Variants in EPGN observed in about 807,000 individuals in gnomAD.
EPGN encodes the protein epigen.
EPGN carries 21 observed loss-of-function variants against 20.7 expected under a neutral mutation model. The ratio of observed to expected loss-of-function variants is 1.01; its 90% CI spans 0.72 to 1.46. The LOEUF (loss-of-function observed/expected upper bound fraction) is 1.46. EPGN is among the 40% of genes most tolerant of loss of function. The pLI is 0.00. For missense variants in EPGN, 199 were observed against 180.7 expected (o/e 1.10, Z -0.58); for synonymous variants, 69 against 63.8 (o/e 1.08, Z -0.39).
At chr4:74,313,408 C>T (rs1751096324) in intron 4 of EPGN, 3 of 1,350,852 alleles carry the variant, frequency 2.2e-6, no homozygotes, top group Admixed American at 3.6e-5. Context: ...CTCCCTTCAA[C>T]CTATCTCTGT....
At chr4:74,310,566 A>T (rs1324032581) in intron 2 of EPGN, among the ~76,000 whole-genome samples, 1 of 151,458 alleles carries the variant, frequency 6.6e-6, no homozygotes, top group Admixed American at 6.6e-5. Flanking sequence ...TCAGTACTAA[A>T]TTTTTTTTTC....
chr4:74,309,502 AT>A (rs1397752145), intron 2 of EPGN, among the ~76,000 whole-genome samples: 1 of 152,160 alleles, frequency 6.6e-6, no homozygotes, highest in Non-Finnish European at 1.5e-5. Context: ...GTTTGTCCCC[AT>A]TTTGGCATTC....
chr4:74,309,015 A>T, intron 1 of EPGN, 78 bp from the exon 2 acceptor site: 1 of 1,080,418 alleles, frequency 9.3e-7, no homozygotes, highest in Non-Finnish European at 1.4e-6. Flanking sequence ...GAATAAACAG[A>T]ATAAGAATAC....
intron 3 of EPGN, 105 bp downstream of exon 3, chr4:74,312,410 G>T: frequency 1.5e-6 from 2 of 1,331,602 alleles, no homozygotes; most frequent in Non-Finnish European, 1.0e-6. Flanking sequence ...GTTTAAAAGG[G>T]TGCATAATCT....
rs1021687257 is a variant in EPGN at position 74,314,656 on chromosome 4, T to A, written c.*19T>A. The A allele has an allele frequency of 1.3e-6, 2 of 1,535,516 alleles. No individual in the cohort carries two copies. Among genetic ancestry groups the A allele is most frequent in the Admixed American group, 3.9e-5 (2 of 50,992 alleles). On this transcript the variant is annotated 3_prime_UTR_variant, in exon 5 of 5. Coordinates refer to ENST00000413830, the MANE Select transcript of EPGN (RefSeq NM_001270989.2). Reference sequence around the variant, plus strand: ...ACTGTGAGGCCTTTGTGAAGAATTTTCATCAAGGCATCTGTAGAGATCAGT... The same window carrying A: ...ACTGTGAGGCCTTTGTGAAGAATTTACATCAAGGCATCTGTAGAGATCAGT...
chr4:74,309,786 T>C (rs1370254081), intron 2 of EPGN, among the ~76,000 whole-genome samples: 1 of 152,190 alleles, frequency 6.6e-6, no homozygotes, highest in African/African-American at 2.4e-5. Flanking sequence ...CTTTCTCTAA[T>C]CTGTTTAAAC....
Position 74,314,709 on chromosome 4 carries a change from A to C in EPGN, c.*72A>C. The C allele has an allele frequency of 7.5e-7, 1 of 1,329,344 alleles. No individual in the cohort carries two copies. Among genetic ancestry groups the C allele is most frequent in the Non-Finnish European group, 1.0e-6 (1 of 968,944 alleles). The allele number at this position is 1,329,344 out of a possible 1,614,324, so 82.3% of individuals were successfully genotyped here. A position where few individuals can be genotyped will look rare whatever the true frequency, so the allele number is the denominator to read the frequency against. On this transcript the variant is annotated 3_prime_UTR_variant, in exon 5 of 5. Transcript: ENST00000413830. ...GCCCAAAATTAAAGTTTTCAGATGA[A>C]ACAACAAAACTTGTCAAGCTGACTA...
chr4:74,315,080 C>T lies in EPGN; in HGVS notation c.*443C>T, dbSNP rs1751209285. The T allele has an allele frequency of 6.2e-6, 1 of 160,422 alleles. No individual in the cohort carries two copies. Among genetic ancestry groups the T allele is most frequent in the Admixed American group, 6.3e-5 (1 of 15,918 alleles). 9.9% of individuals were successfully genotyped at this position (160,422 alleles called of 1,614,324 possible). The stretch of plus-strand genomic sequence containing the variant: ...ATGGGCCTCTCTAAGTCTATTTGCT[C>T]AATGAACCTTATCCCAAACTTGTTG... On this transcript the variant is annotated 3_prime_UTR_variant, in exon 5 of 5. Transcript: ENST00000413830.
chr4:74,310,344 C>T (rs1473513016), intron 2 of EPGN, among the ~76,000 whole-genome samples: 1 of 151,404 alleles, frequency 6.6e-6, no homozygotes, highest in Non-Finnish European at 1.5e-5. Flanking sequence ...TGCCTGTAAT[C>T]CCAGCTACTC....
At chr4:74,310,992 T>C (rs1450120407) in intron 2 of EPGN, among the ~76,000 whole-genome samples, 1 of 152,220 alleles carries the variant, frequency 6.6e-6, no homozygotes, top group Non-Finnish European at 1.5e-5. Context: ...CAACTGTATA[T>C]CATTTCTGTA....
rs759372800 is a variant in EPGN at position 74,313,002 on chromosome 4, T to C, written c.255-16T>C. 4 of 1,573,340 alleles carry C rather than the reference T, an allele frequency of 2.5e-6. No homozygotes were observed. Among genetic ancestry groups the C allele is most frequent in the Non-Finnish European group, 3.4e-6 (4 of 1,168,470 alleles). On this transcript the variant is annotated splice_polypyrimidine_tract_variant and intron_variant, in intron 3 of 4. Coordinates refer to ENST00000413830, the MANE Select transcript of EPGN (RefSeq NM_001270989.2). Reference sequence around the variant, plus strand: ...ACCGTAGGTTTTAAAATTAAACTTTTTTTCTTTTTTTAAAGGTGTTTTACT... The same window carrying C: ...ACCGTAGGTTTTAAAATTAAACTTTCTTTCTTTTTTTAAAGGTGTTTTACT...
intron 1 of EPGN, 104 bp from the exon 2 acceptor site, chr4:74,308,989 A>T (rs1750713930): frequency 4.6e-6 from 4 of 865,446 alleles, no homozygotes; most frequent in African/African-American, 3.4e-5. Flanking sequence ...GTAATAAATT[A>T]AAAAAATAGA....
Position 74,309,192 on chromosome 4 carries a change from T to C in EPGN, c.133+10T>C, listed in dbSNP as rs778057482. 3 of 1,609,088 alleles carry C rather than the reference T, an allele frequency of 1.9e-6. No homozygotes were observed. The highest frequency in any genetic ancestry group is 1.1e-5 in the South Asian group (1 of 90,194). Reference sequence around the variant, plus strand: ...GTTAACAAAACAGAAGGTATTTTCTTCCCATTTTCATATTTCACAAGACTT... The same window carrying C: ...GTTAACAAAACAGAAGGTATTTTCTCCCCATTTTCATATTTCACAAGACTT... On this transcript the variant is annotated intron_variant, in intron 2 of 4. Transcript: ENST00000413830.
chr4:74,312,754 G>A (rs1751044599), intron 3 of EPGN, among the ~76,000 whole-genome samples: 1 of 152,188 alleles, frequency 6.6e-6, no homozygotes, highest in Admixed American at 6.5e-5. Flanking sequence ...GCCTATGGAA[G>A]AATAGGCTAA....
At chr4:74,314,487 C>G in intron 4 of EPGN, 93 bp from the exon 5 acceptor site, 1 of 1,300,562 alleles carries the variant, frequency 7.7e-7, no homozygotes, top group Non-Finnish European at 1.1e-6. Context: ...GGTGGGACAC[C>G]AAGAGCAACT....
Position 74,316,597 on chromosome 4 carries a change from C to T in EPGN, c.*1960C>T, listed in dbSNP as rs2110361243. ...TTTCTGAATGTTTTCACACAGTATG[C>T]AAAGCTTACATCATACCAAGGAGTG... On this transcript the variant is annotated 3_prime_UTR_variant, in exon 5 of 5. Coordinates refer to ENST00000413830, the MANE Select transcript of EPGN (RefSeq NM_001270989.2). 6.6e-6 allele frequency among the ~76,000 whole-genome samples: 1 copy of T among 152,310 alleles called. No individual in the cohort carries two copies. Among genetic ancestry groups the T allele is most frequent in the East Asian group, 1.9e-4 (1 of 5,178 alleles).
At chr4:74,309,800 T>C (rs1750782613) in intron 2 of EPGN, among the ~76,000 whole-genome samples, 1 of 152,150 alleles carries the variant, frequency 6.6e-6, no homozygotes, top group Non-Finnish European at 1.5e-5. Flanking sequence ...TTTAAACTCT[T>C]AGAGGTGAAA....
At chr4:74,312,146 A>G (rs945241407) in intron 2 of EPGN, 39 bp from the exon 3 acceptor site, 14 of 1,562,178 alleles carry the variant, frequency 9.0e-6, no homozygotes, top group Non-Finnish European at 1.0e-5. Flanking sequence ...TAAAAGTAAG[A>G]CACATTTCAT....
rs1027064772 is a variant in EPGN at position 74,314,724 on chromosome 4, C to G, written c.*87C>G. On this transcript the variant is annotated 3_prime_UTR_variant, in exon 5 of 5. Transcript: ENST00000413830. Reference sequence around the variant, plus strand: ...TTTCAGATGAAACAACAAAACTTGTCAAGCTGACTAGACTCGAAAATAATG... The same window carrying G: ...TTTCAGATGAAACAACAAAACTTGTGAAGCTGACTAGACTCGAAAATAATG... 1 of 1,168,838 alleles carries G rather than the reference C, an allele frequency of 8.6e-7. No individual in the cohort carries two copies. Among genetic ancestry groups the G allele is most frequent in the Non-Finnish European group, 1.2e-6 (1 of 824,938 alleles). The allele number at this position is 1,168,838 out of a possible 1,614,324, so 72.4% of individuals were successfully genotyped here. A position where few individuals can be genotyped will look rare whatever the true frequency, so the allele number is the denominator to read the frequency against.
Sources: allele counts gnomAD v4.1 joint callset (sites outside exome capture counted in the v4.1 genomes callset), GRCh38; gene constraint gnomAD v4.1.1; transcripts MANE v1.5; gene names NCBI Gene and HGNC (gene_info 2026-07-23, HGNC 2026-07-21).